Variants in MRTFB observed in about 807,000 individuals in gnomAD.
MRTFB encodes the protein myocardin related transcription factor B.
Under a neutral mutation model 104.2 loss-of-function variants are expected in MRTFB, and 29 were observed. The ratio of observed to expected loss-of-function variants is 0.28; its 90% CI spans 0.21 to 0.38. The LOEUF (loss-of-function observed/expected upper bound fraction) is 0.38, where lower values mean the gene tolerates loss of function less well. Among genes scored for constraint, MRTFB ranks in the 10% least tolerant of loss-of-function variants. The pLI is 1.00. For synonymous variants in MRTFB, 535 were observed against 519.5 expected (o/e 1.03, Z -0.41); for missense variants, 1,270 against 1,341.6 (o/e 0.95, Z 0.83).
At chr16:14,004,480 G>A in the MRTFB span, among the ~76,000 whole-genome samples, 1 of 152,198 alleles carries the variant, frequency 6.6e-6, no homozygotes, top group Non-Finnish European at 1.5e-5. Context: ...AAGAAGGCCT[G>A]TGCTCTGACC....
In MRTFB at chr16:14,071,321, G is replaced by A; in HGVS notation, c.-173G>A. 1 of 166,382 alleles carries A rather than the reference G, an allele frequency of 6.0e-6. No individual in the cohort carries two copies. The highest frequency in any genetic ancestry group is 1.3e-5 in the Non-Finnish European group (1 of 79,746). 10.3% of individuals were successfully genotyped at this position (166,382 alleles called of 1,614,324 possible). ...TGCCGAGGGGAGCGAAGTCTCGCGA[G>A]ATCGCGCGGCGGCGGCGGGAGCGGC... On this transcript the variant is annotated 5_prime_UTR_variant, in exon 1 of 17. Transcript: ENST00000571589.
intron 3 of MRTFB, chr16:14,151,920 C>T (rs2038632994): frequency 6.6e-6 from 1 of 152,170 alleles, no homozygotes; most frequent in Non-Finnish European, 1.5e-5. Context: ...GAAGGAATTC[C>T]AGCAGGGTTG....
At chr16:14,039,602 T>C in the MRTFB span, among the ~76,000 whole-genome samples, 42 of 152,102 alleles carry the variant, frequency 2.8e-4, no homozygotes, top group African/African-American at 1.0e-3. Flanking sequence ...TATATACATA[T>C]ATGTATATGC....
intron 10 of MRTFB, among the ~76,000 whole-genome samples, chr16:14,242,047 G>A (rs1313267888): frequency 6.6e-6 from 1 of 151,464 alleles, no homozygotes; most frequent in Non-Finnish European, 1.5e-5. Context: ...CTTACAATGC[G>A]TTGTGCTTAA....
At chr16:14,103,532 A>T (rs894636056) in intron 2 of MRTFB, among the ~76,000 whole-genome samples, 2 of 152,098 alleles carry the variant, frequency 1.3e-5, no homozygotes, top group Non-Finnish European at 1.5e-5. Context: ...AGATTCAGGG[A>T]CTTTATGGGA....
intron 8 of MRTFB, among the ~76,000 whole-genome samples, chr16:14,221,703 A>T (rs1231429946): frequency 1.3e-5 from 2 of 152,022 alleles, no homozygotes; most frequent in Admixed American, 1.3e-4. Context: ...TTTGATGGTA[A>T]ATTTCATTGC....
rs909837262 is a variant in MRTFB, at chr16:14,195,593, T to A, written c.155-14650T>A. The A allele has an allele frequency of 6.1e-6, 6 of 984,152 alleles. No homozygotes were observed. The African/African-American group carries it at 7.0e-5, about 11-fold the overall frequency. 61.0% of individuals were successfully genotyped at this position (984,152 alleles called of 1,614,324 possible). A position where few individuals can be genotyped will look rare whatever the true frequency, so the allele number is the denominator to read the frequency against. On this transcript the variant is annotated intron_variant, in intron 3 of 16. Coordinates refer to ENST00000571589, the MANE Select transcript of MRTFB (RefSeq NM_001308142.2). ...CATGTGCTTACTATTCTGGGAAAAA[T>A]TGGAGGTAAACAATATTCCACTGTT... is the stretch of plus-strand genomic sequence containing the variant.
intron 3 of MRTFB, among the ~76,000 whole-genome samples, chr16:14,155,975 C>T (rs1289056292): frequency 6.6e-6 from 1 of 152,140 alleles, no homozygotes; most frequent in Admixed American, 6.5e-5. Flanking sequence ...CTTAAGCTCT[C>T]CTCTCATCTC....
In MRTFB at chr16:14,240,819, CA is replaced by C. The variant is rs768523346; in HGVS notation, c.1079+336del. On this transcript the variant is annotated intron_variant, in intron 10 of 16. Coordinates refer to ENST00000571589, the MANE Select transcript of MRTFB (RefSeq NM_001308142.2). ...TAAGTAGTATAATACCTGGCATAAA[CA>C]GCTAAAAGAAGAGAAGGATGGGCAT... 4 of 703,202 alleles carry C rather than the reference CA, an allele frequency of 5.7e-6. No individual in the cohort carries two copies. In the East Asian group the frequency reaches 9.9e-5, roughly 17 times the overall value. 43.6% of individuals were successfully genotyped at this position (703,202 alleles called of 1,614,324 possible).
chr16:14,058,788 A>T, the MRTFB span, among the ~76,000 whole-genome samples: 1 of 128,936 alleles, frequency 7.8e-6, no homozygotes, highest in African/African-American at 3.0e-5. Context: ...GTGAGATTTC[A>T]GCTCACTGCA....
At chr16:14,258,228 T>C in intron 16 of MRTFB, 67 bp downstream of exon 16, 1 of 1,247,016 alleles carries the variant, frequency 8.0e-7, no homozygotes, top group Non-Finnish European at 1.2e-6. Flanking sequence ...TGAAAGTTTT[T>C]CTTAAGCACT....
the MRTFB span, among the ~76,000 whole-genome samples, chr16:14,023,252 A>G: frequency 6.6e-6 from 1 of 152,040 alleles, no homozygotes; most frequent in Non-Finnish European, 1.5e-5. Context: ...AATCCTGGCA[A>G]TAAGGCAAGA....
At chr16:14,114,739 A>G (rs2036449180) in intron 2 of MRTFB, among the ~76,000 whole-genome samples, 1 of 152,178 alleles carries the variant, frequency 6.6e-6, no homozygotes, top group African/African-American at 2.4e-5. Flanking sequence ...ACGTCTTTGT[A>G]GATTCCTTTC....
chr16:14,121,500 T>C (rs1433870914), intron 2 of MRTFB, among the ~76,000 whole-genome samples: 2 of 152,190 alleles, frequency 1.3e-5, no homozygotes, highest in Non-Finnish European at 1.5e-5. Flanking sequence ...TTAAGTAGAA[T>C]TGAGTTAGTA....
intron 3 of MRTFB, among the ~76,000 whole-genome samples, chr16:14,144,979 T>TAC (rs1233443284): frequency 9.8e-6 from 1 of 102,226 alleles, no homozygotes; most frequent in Non-Finnish European, 1.6e-5. Context: ...AATATATACA[T>TAC]ACATATATAT....
chr16:14,140,705 G>T lies in MRTFB; in HGVS notation c.99G>T (p.Gln33His), dbSNP rs1567373725. 1.9e-6 allele frequency: 3 copies of T among 1,614,006 alleles called. No individual in the cohort carries two copies. ...GTGAAGCTGTGGCTCATGAATTCCA[G>T]GAACTCTCCTTGCAGTCCAGTCAAA... ...PQSEAVAHEF[Q>H]ELSLQSSQNL... Residue 33 changes from glutamine (Q) to histidine (H), a missense_variant, in exon 3 of 17, where the codon CAG becomes CAT. By Grantham distance (24) the Gln-to-His change is conservative (BLOSUM62 0). This residue lies in a region of MRTFB where 62 missense variants were observed against 57.2 expected (regional missense o/e 1.08). Coordinates refer to ENST00000571589, the MANE Select transcript of MRTFB (RefSeq NM_001308142.2).
chr16:14,023,377 C>T, the MRTFB span, among the ~76,000 whole-genome samples: 2 of 152,032 alleles, frequency 1.3e-5, no homozygotes, highest in African/African-American at 2.4e-5. Context: ...CCCAGGAGGT[C>T]GAGGCTGCAG....
chr16:14,135,287 C>T (rs550039068), intron 2 of MRTFB, among the ~76,000 whole-genome samples: 2 of 152,332 alleles, frequency 1.3e-5, no homozygotes, highest in East Asian at 3.9e-4. Flanking sequence ...CAAGCCTTGA[C>T]GTTTTGTCTC....
chr16:14,036,601 TC>T, the MRTFB span, among the ~76,000 whole-genome samples: 1 of 150,946 alleles, frequency 6.6e-6, no homozygotes. Context: ...ATATATACAT[TC>T]CATCATATAT....
Sources: gnomAD v4.1 joint callset for allele counts (sites outside exome capture counted in the v4.1 genomes callset) on GRCh38, gnomAD v4.1.1 for gene constraint, gnomAD v4.1.1 regional missense constraint, MANE v1.5 for transcripts, NCBI Gene and HGNC (gene_info 2026-07-23, HGNC 2026-07-21) for gene names.